CRHR2: variants seen among roughly 807,000 people sequenced by gnomAD.
The protein encoded by CRHR2 is corticotropin-releasing hormone receptor 2.
A neutral mutation model predicts 57.9 loss-of-function variants in CRHR2; 53 were observed. The ratio of observed to expected loss-of-function variants is 0.92; its 90% CI spans 0.73 to 1.15. The LOEUF (loss-of-function observed/expected upper bound fraction) is 1.15, where lower values mean the gene tolerates loss of function less well. Ranked by LOEUF, CRHR2 falls within the 50% of genes most tolerant of loss-of-function variation. The probability of loss-of-function intolerance (pLI) is 0.00; values close to 1 mark genes in which losing one functional copy is unlikely to be tolerated. For missense variants in CRHR2, 532 were observed against 542.6 expected, an observed-to-expected ratio of 0.98 and a Z score of 0.19; for synonymous variants, 213 against 220.9, an observed-to-expected ratio of 0.96 and a Z score of 0.32.
rs140660551 is a variant in CRHR2, at chr7:30,655,655, G to T, written c.978C>A (p.Phe326Leu). ...LPLLGITYMLFFVNPGEDDLS... is the reference protein window; with the variant it reads ...LPLLGITYMLLFVNPGEDDLS... ...GGTCGTCCTCCCCGGGATTGACGAAGAAGAGCATGTAGGTGATGCCCAGGA... is the reference window on the plus strand; with the variant it reads ...GGTCGTCCTCCCCGGGATTGACGAATAAGAGCATGTAGGTGATGCCCAGGA... The change falls in exon 10 of 12, where the codon TTC (phenylalanine) becomes TTA (leucine). Residue 326 changes from phenylalanine (F) to leucine (L), a missense_variant. Coordinates refer to ENST00000471646, the MANE Select transcript of CRHR2 (RefSeq NM_001883.5). 8.5e-5 allele frequency: 137 copies of T among 1,614,084 alleles called. No individual in the cohort carries two copies. Among genetic ancestry groups the T allele is most frequent in the Non-Finnish European group, 1.1e-4 (133 of 1,180,012 alleles).
At chr7:30,654,663 C>T in intron 11 of CRHR2, 1 of 1,532,706 alleles carries the variant, frequency 6.5e-7, no homozygotes. Flanking sequence ...GGGGAATGTG[C>T]TGGTCTCTCT....
chr7:30,691,222 G>A (rs141885233), intron 1 of CRHR2, among the ~76,000 whole-genome samples: 2 of 152,328 alleles, frequency 1.3e-5, no homozygotes, highest in Non-Finnish European at 2.9e-5. Flanking sequence ...GGCGCCCATC[G>A]CCCTTGTTTG....
intron 10 of CRHR2, 145 bp from the exon 11 acceptor site, chr7:30,655,225 C>T: frequency 1.1e-6 from 1 of 919,572 alleles, no homozygotes; most frequent in South Asian, 1.6e-5. Context: ...GGGTCCTAGC[C>T]TCAGGGTGCA....
chr7:30,675,974 C>T (rs1234171362), intron 2 of CRHR2, among the ~76,000 whole-genome samples: 1 of 152,144 alleles, frequency 6.6e-6, no homozygotes, highest in Admixed American at 6.5e-5. Flanking sequence ...CTGGAGGATT[C>T]CTGGGGAGAG....
In CRHR2 at chr7:30,655,263, C is replaced by T. The variant is rs111241289; in HGVS notation, c.1054-183G>A. On this transcript the variant is annotated intron_variant, in intron 10 of 11. Coordinates refer to ENST00000471646, the MANE Select transcript of CRHR2 (RefSeq NM_001883.5). ...TATTCCACGGTCCACTCTGAGTGAGCAGTGGTCACAGGCCTGGAGCCAGGC... is the reference window on the plus strand; with the variant it reads ...TATTCCACGGTCCACTCTGAGTGAGTAGTGGTCACAGGCCTGGAGCCAGGC... Among the ~76,000 whole-genome samples, 995 of 152,246 alleles carry T rather than the reference C, an allele frequency of 6.5e-3. 16 individuals are homozygous for T. The highest frequency in any genetic ancestry group is 0.023 in the African/African-American group (955 of 41,540).
At chr7:30,694,313 A>T (rs985451003) in intron 1 of CRHR2, among the ~76,000 whole-genome samples, 1 of 152,102 alleles carries the variant, frequency 6.6e-6, no homozygotes, top group African/African-American at 2.4e-5. Flanking sequence ...GGAGGCCCTC[A>T]CCTTAGAAGA....
At chr7:30,674,677 C>T (rs1451864428) in intron 2 of CRHR2, among the ~76,000 whole-genome samples, 1 of 152,168 alleles carries the variant, frequency 6.6e-6, no homozygotes, top group Non-Finnish European at 1.5e-5. Context: ...TCTCTACAGG[C>T]TTTTAGGTAC....
chr7:30,679,615 C>T (rs117124815), intron 2 of CRHR2, among the ~76,000 whole-genome samples: 1,790 of 152,156 alleles, frequency 0.012, 21 homozygotes, highest in Non-Finnish European at 0.017. Context: ...CCCACCCGGG[C>T]GATTCCTGCT....
Position 30,682,414 on chromosome 7 carries a change from G to A in CRHR2, c.-134C>T. On this transcript the variant is annotated 5_prime_UTR_variant, in exon 1 of 12. Transcript: ENST00000471646. ...CGCCAGCCCAGCCCCGATCTCCCGG[G>A]CAGCCTTTGGGCGCCACCTCCGGTC... is the stretch of plus-strand genomic sequence containing the variant. 5 of 1,361,612 alleles carry A rather than the reference G, an allele frequency of 3.7e-6. No individual in the cohort carries two copies. The highest frequency in any genetic ancestry group is 4.0e-5 in the Admixed American group (1 of 25,284). 84.3% of individuals were successfully genotyped at this position (1,361,612 alleles called of 1,614,324 possible).
At position 30,653,598 on chromosome 7, in the gene CRHR2, C is replaced by T. The variant is rs143275254; in HGVS notation, c.1098G>A (p.Val366=). ...GCCACCTCTTCCTCACGGCTGAGCG[C>T]ACCTGTGGGGAAGGCAGAGGCTCAG... ...SVFYCFFNGE[V]RSAVRKRWHR... is the part of the protein sequence containing the mutation. The change falls in exon 12 of 12, where the codon GTG becomes GTA. Residue 366 remains valine, a splice_region_variant and synonymous_variant. Coordinates refer to ENST00000471646, the MANE Select transcript of CRHR2 (RefSeq NM_001883.5). The surrounding 1 kb of genome is among the most constrained non-coding windows in gnomAD (Gnocchi z 5.0). The T allele has an allele frequency of 8.5e-5, 136 of 1,609,036 alleles. No individual in the cohort carries two copies. The highest frequency in any genetic ancestry group is 1.1e-4 in the Non-Finnish European group (127 of 1,179,040).
chr7:30,672,122 C>T lies in CRHR2; in HGVS notation c.230-4809G>A, dbSNP rs181870567. Among the ~76,000 whole-genome samples, 1,030 of 152,346 alleles carry T rather than the reference C, an allele frequency of 6.8e-3. 5 individuals are homozygous for T. The highest frequency in any genetic ancestry group is 0.011 in the Non-Finnish European group (766 of 68,030). ...GAACCAGCCTTCCCACCCGATATTC[C>T]GACCTTGGCCATGGGCCCAGCCCAT... On this transcript the variant is annotated intron_variant, in intron 2 of 11. Coordinates refer to ENST00000471646, the MANE Select transcript of CRHR2 (RefSeq NM_001883.5).
At chr7:30,694,125 T>A (rs1343445025) in intron 1 of CRHR2, among the ~76,000 whole-genome samples, 1 of 152,202 alleles carries the variant, frequency 6.6e-6, no homozygotes, top group African/African-American at 2.4e-5. Flanking sequence ...ACTGCTTGGA[T>A]GGATTAATGA....
At chr7:30,673,449 C>G (rs971022512) in intron 2 of CRHR2, among the ~76,000 whole-genome samples, 5 of 152,156 alleles carry the variant, frequency 3.3e-5, no homozygotes, top group African/African-American at 1.2e-4. Flanking sequence ...AACTCCTGGC[C>G]TCAAGTGATC....
rs148406223 is a variant in CRHR2 at position 30,667,267 on chromosome 7, C to A, written c.276G>T (p.Lys92Asn). The A allele has an allele frequency of 1.3e-4, 204 of 1,614,176 alleles. No homozygotes were observed. In the African/African-American group the frequency reaches 2.3e-3, roughly 18 times the overall value. The change falls in exon 3 of 12, where the codon AAG (lysine) becomes AAT (asparagine). Residue 92 changes from lysine to asparagine, a missense_variant. Lys to Asn is a moderately conservative substitution (Grantham distance 94, BLOSUM62 0). Coordinates refer to ENST00000471646, the MANE Select transcript of CRHR2 (RefSeq NM_001883.5). ...ECLENGTWAS[K>N]INYSQCEPIL... ...TGGGCTCACACTGTGAGTAGTTGAT[C>A]TTTGAGGCCCACGTCCCATTCTCCA...
intron 2 of CRHR2, among the ~76,000 whole-genome samples, chr7:30,674,338 C>G (rs1784450173): frequency 6.6e-6 from 1 of 152,118 alleles, no homozygotes; most frequent in South Asian, 2.1e-4. Context: ...CTCCTTCCAG[C>G]CATCCTAGCA....
intron 1 of CRHR2, among the ~76,000 whole-genome samples, chr7:30,689,530 C>T (rs1014654021): frequency 6.6e-6 from 1 of 151,166 alleles, no homozygotes; most frequent in Non-Finnish European, 1.5e-5. Context: ...CTGTCCATCC[C>T]TCAGCCCCCA....
At chr7:30,672,167 G>A (rs936828027) in intron 2 of CRHR2, among the ~76,000 whole-genome samples, 1 of 152,156 alleles carries the variant, frequency 6.6e-6, no homozygotes, top group Non-Finnish European at 1.5e-5. Flanking sequence ...GCTAATTCAT[G>A]CCCCTTTTCA....
intron 8 of CRHR2, among the ~76,000 whole-genome samples, chr7:30,659,583 A>T (rs1466437233): frequency 8.5e-5 from 13 of 152,350 alleles, no homozygotes; most frequent in Non-Finnish European, 2.9e-5. Context: ...AAGCGAACCA[A>T]GCCCTGACGG....
At chr7:30,690,272 A>C (rs971884970) in intron 1 of CRHR2, among the ~76,000 whole-genome samples, 1 of 152,204 alleles carries the variant, frequency 6.6e-6, no homozygotes, top group African/African-American at 2.4e-5. Flanking sequence ...CAGGCCAGGA[A>C]GGGCATTCTA....
Sources: allele counts gnomAD v4.1 joint callset (sites outside exome capture counted in the v4.1 genomes callset), GRCh38; gene constraint gnomAD v4.1.1; non-coding constraint Gnocchi (gnomAD v3.1); transcripts MANE v1.5; gene names NCBI Gene and HGNC (gene_info 2026-07-23, HGNC 2026-07-21).